Variants in ATF7IP observed in about 807,000 individuals in gnomAD.
ATF7IP encodes activating transcription factor 7 interacting protein.
ATF7IP carries 23 observed loss-of-function variants against 106.4 expected under a neutral mutation model. The ratio of observed to expected loss-of-function variants is 0.22; its 90% CI spans 0.16 to 0.31. The LOEUF (loss-of-function observed/expected upper bound fraction) is 0.31. ATF7IP is among the 10% of genes least tolerant of loss of function. ATF7IP has a pLI of 1.00. For synonymous variants in ATF7IP, 542 were observed against 539.0 expected (o/e 1.01, Z -0.08); for missense variants, 1,334 against 1,524.3 (o/e 0.88, Z 2.08).
intron 13 of ATF7IP, among the ~76,000 whole-genome samples, chr12:14,495,115 G>GT (rs1353678360): frequency 6.6e-6 from 1 of 152,008 alleles, no homozygotes; most frequent in African/African-American, 2.4e-5. Flanking sequence ...TCCTTTTCAC[G>GT]TTTTTCTGCC....
intron 9 of ATF7IP, among the ~76,000 whole-genome samples, chr12:14,463,006 CT>C (rs1943700293): frequency 6.6e-6 from 1 of 151,710 alleles, no homozygotes; most frequent in East Asian, 1.9e-4. Flanking sequence ...TTCTTCATTT[CT>C]GACTTTATTA....
intron 10 of ATF7IP, among the ~76,000 whole-genome samples, chr12:14,474,409 T>C (rs1469513970): frequency 6.6e-6 from 1 of 151,296 alleles, no homozygotes; most frequent in Non-Finnish European, 1.5e-5. Flanking sequence ...TTGAATTTTT[T>C]TTTTTTTTTG....
chr12:14,477,083 A>G (rs983780090), intron 11 of ATF7IP, among the ~76,000 whole-genome samples: 1 of 152,234 alleles, frequency 6.6e-6, no homozygotes, highest in African/African-American at 2.4e-5. Flanking sequence ...ACGTTCAGCT[A>G]CATATCTATA....
chr12:14,410,129 G>T (rs1432626628), intron 1 of ATF7IP, among the ~76,000 whole-genome samples: 1 of 152,104 alleles, frequency 6.6e-6, no homozygotes, highest in Non-Finnish European at 1.5e-5. Context: ...CTTTCTGTCT[G>T]TATAGATATA....
chr12:14,472,965 C>T (rs1944109203), intron 10 of ATF7IP, among the ~76,000 whole-genome samples: 1 of 152,060 alleles, frequency 6.6e-6, no homozygotes, highest in African/African-American at 2.4e-5. Context: ...CTTTTTTCAG[C>T]TTTTTACTTT....
intron 1 of ATF7IP, among the ~76,000 whole-genome samples, chr12:14,375,318 A>C (rs950147863): frequency 6.6e-6 from 1 of 152,154 alleles, no homozygotes; most frequent in African/African-American, 2.4e-5. Flanking sequence ...AATAATAAAT[A>C]GTTGCTTTTA....
chr12:14,409,317 A>G lies in ATF7IP; in HGVS notation c.-7-14592A>G, dbSNP rs551414968. Among the ~76,000 whole-genome samples, 203 of 152,264 alleles carry G rather than the reference A, an allele frequency of 1.3e-3. 1 individual carries two copies. Among genetic ancestry groups the G allele is most frequent in the African/African-American group, 4.6e-3 (190 of 41,586 alleles). On this transcript the variant is annotated intron_variant, in intron 1 of 14. Coordinates refer to ENST00000261168, the MANE Select transcript of ATF7IP (RefSeq NM_018179.5). ...ATAAAATGTGACAAAGCCATATGTA[A>G]CATCAGAAAGTTCAAGAAGTATACC...
At chr12:14,458,747 C>T (rs1312681892) in intron 8 of ATF7IP, among the ~76,000 whole-genome samples, 3 of 151,804 alleles carry the variant, frequency 2.0e-5, no homozygotes, top group African/African-American at 7.3e-5. Flanking sequence ...GGCCTGAGCC[C>T]GGGAGGTGTA....
chr12:14,429,610 A>C (rs1942026121), intron 2 of ATF7IP, among the ~76,000 whole-genome samples: 1 of 152,216 alleles, frequency 6.6e-6, no homozygotes, highest in African/African-American at 2.4e-5. Flanking sequence ...AATGAGGATA[A>C]TTACATTAGA....
At chr12:14,434,729 A>C (rs1942316193) in intron 3 of ATF7IP, among the ~76,000 whole-genome samples, 1 of 152,214 alleles carries the variant, frequency 6.6e-6, no homozygotes. Context: ...ATGAAACTAC[A>C]AGAATTTTGT....
chr12:14,466,793 C>G (rs1943850208), intron 10 of ATF7IP, among the ~76,000 whole-genome samples: 1 of 151,978 alleles, frequency 6.6e-6, no homozygotes. Context: ...CATAACAGTT[C>G]TCTTAGAGGT....
chr12:14,386,180 T>C (rs1281595225), intron 1 of ATF7IP, among the ~76,000 whole-genome samples: 3 of 152,174 alleles, frequency 2.0e-5, no homozygotes, highest in African/African-American at 7.2e-5. Context: ...ACCTGTAGTA[T>C]ATTTAAAAGA....
intron 1 of ATF7IP, among the ~76,000 whole-genome samples, chr12:14,417,204 A>T (rs993503464): frequency 1.3e-5 from 2 of 152,180 alleles, no homozygotes; most frequent in African/African-American, 4.8e-5. Context: ...CTTTGAAAGG[A>T]TATCTCATAT....
At chr12:14,367,410 ATCTC>A (rs1191768632) in intron 1 of ATF7IP, 1 of 152,020 alleles carries the variant, frequency 6.6e-6, no homozygotes, top group African/African-American at 2.4e-5. Flanking sequence ...TAATTCTTGG[ATCTC>A]TGAGGTCTTC....
At chr12:14,398,232 G>A (rs539190321) in intron 1 of ATF7IP, among the ~76,000 whole-genome samples, 40 of 151,296 alleles carry the variant, frequency 2.6e-4, no homozygotes, top group Non-Finnish European at 3.4e-4. Flanking sequence ...ATACCTTTTT[G>A]CCTTTATTAA....
intron 1 of ATF7IP, among the ~76,000 whole-genome samples, chr12:14,386,605 G>A (rs1359736015): frequency 6.6e-6 from 1 of 152,022 alleles, no homozygotes; most frequent in Non-Finnish European, 1.5e-5. Flanking sequence ...ATTCTGCAAG[G>A]CTTAAGAAAC....
At chr12:14,421,912 T>A (rs1007833484) in intron 1 of ATF7IP, among the ~76,000 whole-genome samples, 1 of 152,190 alleles carries the variant, frequency 6.6e-6, no homozygotes, top group Non-Finnish European at 1.5e-5. Flanking sequence ...TGGTCAGAAT[T>A]CATTACCTTT....
At chr12:14,372,829 T>C (rs1184214582) in intron 1 of ATF7IP, among the ~76,000 whole-genome samples, 2 of 152,134 alleles carry the variant, frequency 1.3e-5, no homozygotes, top group African/African-American at 4.8e-5. Flanking sequence ...GTTTGATACC[T>C]AGAAATTATG....
intron 6 of ATF7IP, among the ~76,000 whole-genome samples, chr12:14,455,408 T>C (rs1943387115): frequency 6.6e-6 from 1 of 152,192 alleles, no homozygotes; most frequent in African/African-American, 2.4e-5. Context: ...TGCAATGTCA[T>C]ACTAGAAGGT....
Sources: allele counts gnomAD v4.1 joint callset (sites outside exome capture counted in the v4.1 genomes callset), GRCh38; gene constraint gnomAD v4.1.1; transcripts MANE v1.5; gene names NCBI Gene and HGNC (gene_info 2026-07-23, HGNC 2026-07-21).